COMMD10: variants seen among roughly 807,000 people sequenced by gnomAD.
COMMD10 encodes the protein COMM domain containing 10, also known as COMM domain-containing protein 10.
A neutral mutation model predicts 28.9 loss-of-function variants in COMMD10; 33 were observed. The ratio of observed to expected loss-of-function variants is 1.14; its 90% CI spans 0.87 to 1.53. COMMD10 has a LOEUF of 1.53. Among genes scored for constraint, COMMD10 ranks in the 40% most tolerant of loss-of-function variants. The pLI is 0.00. For missense variants in COMMD10, 310 were observed against 233.4 expected (o/e 1.33, Z -2.14); for synonymous variants, 110 against 81.7 (o/e 1.35, Z -1.87).
chr5:116,232,985 G>A (rs188488303), intron 5 of COMMD10, among the ~76,000 whole-genome samples: 260 of 152,186 alleles, frequency 1.7e-3, no homozygotes, highest in African/African-American at 5.8e-3. Flanking sequence ...CGTCAATTCC[G>A]GCTAAATGGT....
At chr5:116,150,397 G>A (rs1452138714) in intron 5 of COMMD10, among the ~76,000 whole-genome samples, 1 of 152,200 alleles carries the variant, frequency 6.6e-6, no homozygotes, top group Non-Finnish European at 1.5e-5. Flanking sequence ...TGTGAAGAAA[G>A]TCACTGGTAG....
At chr5:116,135,427 A>T (rs937764552) in intron 5 of COMMD10, among the ~76,000 whole-genome samples, 1 of 152,204 alleles carries the variant, frequency 6.6e-6, no homozygotes, top group African/African-American at 2.4e-5. Flanking sequence ...GTATTAGTTT[A>T]TTACAGTGTT....
chr5:116,141,092 TGA>T (rs1752182034), intron 5 of COMMD10, among the ~76,000 whole-genome samples: 1 of 151,936 alleles, frequency 6.6e-6, no homozygotes, highest in South Asian at 2.1e-4. Context: ...TTATCTCTTT[TGA>T]GTTTGATTTT....
intron 5 of COMMD10, among the ~76,000 whole-genome samples, chr5:116,266,390 C>G (rs539482713): frequency 6.6e-6 from 1 of 151,352 alleles, no homozygotes; most frequent in South Asian, 2.1e-4. Flanking sequence ...AAGGAGTTGC[C>G]CAAACTGAAA....
rs77425831 is a variant in COMMD10 at position 116,229,660 on chromosome 5, A to C, written c.511-61857A>C. 9.3e-3 allele frequency among the ~76,000 whole-genome samples: 1,419 copies of C among 152,098 alleles called. 27 individuals are homozygous for C. The highest frequency in any genetic ancestry group is 0.032 in the African/African-American group (1,324 of 41,472). On this transcript the variant is annotated intron_variant, in intron 5 of 6. Transcript: ENST00000274458. ...GGAAGACAAACGGTTCATATGTGAA[A>C]CAGCTAGAAAACAAATTATGACAGT...
chr5:116,292,405 C>T lies in COMMD10; in HGVS notation c.571-46C>T, dbSNP rs543815647. On this transcript the variant is annotated intron_variant, in intron 6 of 6. Coordinates refer to ENST00000274458, the MANE Select transcript of COMMD10 (RefSeq NM_016144.4). Reference sequence around the variant, plus strand: ...TCTGAATAACACTTGATATGAGTTTCGTTCCCTTCACTAACGTCTTTTTTT... The same window carrying T: ...TCTGAATAACACTTGATATGAGTTTTGTTCCCTTCACTAACGTCTTTTTTT... The T allele has an allele frequency of 4.0e-5, 55 of 1,360,690 alleles. No individual in the cohort carries two copies. The Middle Eastern group carries it at 5.7e-4, about 14-fold the overall frequency. The allele number at this position is 1,360,690 out of a possible 1,614,324, so 84.3% of individuals were successfully genotyped here. A position where few individuals can be genotyped will look rare whatever the true frequency, so the allele number is the denominator to read the frequency against.
intron 5 of COMMD10, among the ~76,000 whole-genome samples, chr5:116,205,875 T>C: frequency 6.6e-6 from 1 of 152,178 alleles, no homozygotes; most frequent in Non-Finnish European, 1.5e-5. Flanking sequence ...TTCAGATATA[T>C]ATTTGCTTTA....
chr5:116,086,645 A>G (rs1484089771), intron 1 of COMMD10, among the ~76,000 whole-genome samples: 2 of 152,096 alleles, frequency 1.3e-5, no homozygotes, highest in African/African-American at 4.8e-5. Context: ...TTTTTAGTAA[A>G]GATGGGGTTT....
chr5:116,244,063 A>T (rs202238220), intron 5 of COMMD10, among the ~76,000 whole-genome samples: 1 of 152,266 alleles, frequency 6.6e-6, no homozygotes, highest in East Asian at 1.9e-4. Context: ...TCTATATATC[A>T]TGTATTTGGA....
intron 5 of COMMD10, among the ~76,000 whole-genome samples, chr5:116,259,752 G>C (rs1324780001): frequency 6.6e-6 from 1 of 151,518 alleles, no homozygotes; most frequent in Non-Finnish European, 1.5e-5. Flanking sequence ...TTTTCACCTG[G>C]GTTTCGGACT....
intron 5 of COMMD10, among the ~76,000 whole-genome samples, chr5:116,142,049 C>A (rs1466784120): frequency 6.6e-6 from 1 of 151,608 alleles, no homozygotes; most frequent in Non-Finnish European, 1.5e-5. Flanking sequence ...ATTATAGAAA[C>A]GTGAAAGGAA....
At chr5:116,206,938 G>A (rs1748828675) in intron 5 of COMMD10, among the ~76,000 whole-genome samples, 1 of 151,334 alleles carries the variant, frequency 6.6e-6, no homozygotes, top group South Asian at 2.1e-4. Flanking sequence ...TCAAAAAATT[G>A]TAAACGGAAA....
chr5:116,116,226 T>C (rs1751229430), intron 4 of COMMD10, among the ~76,000 whole-genome samples: 1 of 152,216 alleles, frequency 6.6e-6, no homozygotes, highest in African/African-American at 2.4e-5. Context: ...TAACAACTAG[T>C]TGTTTCATTA....
At chr5:116,209,971 TGA>T (rs1305008485) in intron 5 of COMMD10, among the ~76,000 whole-genome samples, 1 of 152,178 alleles carries the variant, frequency 6.6e-6, no homozygotes, top group African/African-American at 2.4e-5. Flanking sequence ...CTGAGAAATC[TGA>T]GAGCAGGATG....
intron 5 of COMMD10, among the ~76,000 whole-genome samples, chr5:116,192,376 G>T (rs1273929937): frequency 6.6e-6 from 1 of 151,822 alleles, no homozygotes; most frequent in Non-Finnish European, 1.5e-5. Flanking sequence ...AATCAGGGAG[G>T]CACCAGAGAA....
intron 5 of COMMD10, among the ~76,000 whole-genome samples, chr5:116,254,721 T>C (rs916307969): frequency 2.6e-5 from 4 of 151,868 alleles, no homozygotes; most frequent in Non-Finnish European, 5.9e-5. Context: ...CTTCCAAGTA[T>C]GTGGTCAGTT....
Position 116,087,535 on chromosome 5 carries a change from C to A in COMMD10, c.80C>A (p.Thr27Lys), listed in dbSNP as rs74348140. 7 of 1,612,628 alleles carry A rather than the reference C, an allele frequency of 4.3e-6. No individual in the cohort carries two copies. Among genetic ancestry groups the A allele is most frequent in the Non-Finnish European group, 5.9e-6 (7 of 1,178,612 alleles). ...KAVSLINAID[T>K]GRFPRLLTRI... ...GTGTCACTGATAAATGCAATAGATA[C>A]AGGAAGATTTCCACGGTTGCTCACT... is the stretch of plus-strand genomic sequence containing the variant. The change falls in exon 2 of 7, where the codon ACA becomes AAA. Residue 27 changes from threonine to lysine, a missense_variant. By Grantham distance (78) the Thr-to-Lys change is moderately conservative. Transcript: ENST00000274458.
At chr5:116,234,285 T>C (rs1340983814) in intron 5 of COMMD10, among the ~76,000 whole-genome samples, 2 of 152,174 alleles carry the variant, frequency 1.3e-5, no homozygotes, top group Non-Finnish European at 1.5e-5. Context: ...TGGACACCTA[T>C]GTCAATCAAC....
chr5:116,239,041 T>A (rs1749748411), intron 5 of COMMD10, among the ~76,000 whole-genome samples: 3 of 152,230 alleles, frequency 2.0e-5, no homozygotes, highest in Admixed American at 2.0e-4. Context: ...GTATGTCTTC[T>A]ATTGAAGAGC....
Sources: gnomAD v4.1 joint callset for allele counts (sites outside exome capture counted in the v4.1 genomes callset) on GRCh38, gnomAD v4.1.1 for gene constraint, MANE v1.5 for transcripts, NCBI Gene and HGNC (gene_info 2026-07-23, HGNC 2026-07-21) for gene names.